EVC: variants seen among roughly 807,000 people sequenced by gnomAD.
The protein encoded by EVC is EvC ciliary complex subunit 1, also known as evC complex member EVC.
EVC carries 116 observed loss-of-function variants against 118.9 expected under a neutral mutation model. The observed-to-expected ratio is 0.98, with a 90% confidence interval of 0.84 to 1.14. The LOEUF (loss-of-function observed/expected upper bound fraction) is 1.14. Among genes scored for constraint, EVC ranks in the 50% most tolerant of loss-of-function variants. The probability of loss-of-function intolerance (pLI) is 0.00; values close to 1 mark genes in which losing one functional copy is unlikely to be tolerated. For synonymous variants in EVC, 619 were observed against 534.7 expected (o/e 1.16, Z -2.18); for missense variants, 1,401 against 1,246.4 (o/e 1.12, Z -1.87).
chr4:5,781,010 G>A (rs996275442), intron 11 of EVC, among the ~76,000 whole-genome samples: 3 of 152,198 alleles, frequency 2.0e-5, no homozygotes, highest in African/African-American at 4.8e-5. Flanking sequence ...TGAGCTTAGA[G>A]TCCAGGGATT....
chr4:5,732,549 A>T (rs550023743), intron 4 of EVC, among the ~76,000 whole-genome samples: 2 of 152,364 alleles, frequency 1.3e-5, no homozygotes, highest in African/African-American at 4.8e-5. Flanking sequence ...GAGGGAAAAA[A>T]GGTCAAAGAC....
At position 5,749,347 on chromosome 4, in the gene EVC, A is replaced by G. The variant is rs1342690703; in HGVS notation, c.1098+1041A>G. 2.0e-5 allele frequency among the ~76,000 whole-genome samples: 3 copies of G among 151,884 alleles called. No individual in the cohort carries two copies. The highest frequency in any genetic ancestry group is 2.9e-5 in the Non-Finnish European group (2 of 67,928). ...TAACGATAGCTGATGAGCGGAAAAA[A>G]AAAAAAAAAAAAAGGTCCCTCCTTA... On this transcript the variant is annotated intron_variant, in intron 8 of 20. Transcript: ENST00000264956. This position sits in a 1 kb window ranked among gnomAD's most constrained non-coding sequence, Gnocchi z 4.4.
At chr4:5,800,514 G>T (rs757442329) in intron 15 of EVC, among the ~76,000 whole-genome samples, 1 of 152,142 alleles carries the variant, frequency 6.6e-6, no homozygotes, top group Non-Finnish European at 1.5e-5. Context: ...GAGAGAAGGG[G>T]TGGCCAAGGA....
Position 5,783,614 on chromosome 4 carries a change from G to A in EVC, c.1626G>A (p.Thr542=), listed in dbSNP as rs1233328481. ...QKFVDALFLQ[T]LPGMTGLPPE... The stretch of plus-strand genomic sequence containing the variant: ...TCGTGGATGCCCTGTTCCTTCAGAC[G>A]CTCCCTGGCATGACTGGCCTCCCCC... Residue 542 remains threonine, a synonymous_variant, in exon 12 of 21, where the codon ACG becomes ACA. Transcript: ENST00000264956. 1.2e-6 allele frequency: 2 copies of A among 1,614,016 alleles called. No individual in the cohort carries two copies. The highest frequency in any genetic ancestry group is 2.2e-5 in the East Asian group (1 of 44,896).
intron 11 of EVC, among the ~76,000 whole-genome samples, chr4:5,770,218 C>G (rs986863000): frequency 6.6e-6 from 1 of 152,124 alleles, no homozygotes; most frequent in Non-Finnish European, 1.5e-5. Context: ...TTTTATTGGG[C>G]TCAGCTACAC....
chr4:5,769,409 C>G (rs755597543), intron 11 of EVC, among the ~76,000 whole-genome samples: 2 of 152,172 alleles, frequency 1.3e-5, no homozygotes, highest in Non-Finnish European at 2.9e-5. Flanking sequence ...TAGGTGGGGA[C>G]ACAGCTAAAC....
In EVC at chr4:5,756,334, C is replaced by G. The variant is rs771085435; in HGVS notation, c.1535C>G (p.Ala512Gly). ...CTGGAGGAAGAGGAGAATGTCAGAG[C>G]CACCGAGGCTGTGGTTGCACTCTGC... ...CDLEEEENVR[A>G]TEAVVALCQE... Residue 512 changes from alanine to glycine, a missense_variant, in exon 11 of 21, where the codon GCC (alanine) becomes GGC (glycine). Coordinates refer to ENST00000264956, the MANE Select transcript of EVC (RefSeq NM_153717.3). The surrounding 1 kb of genome is among the most constrained non-coding windows in gnomAD (Gnocchi z 4.2). 1 of 1,611,918 alleles carries G rather than the reference C, an allele frequency of 6.2e-7. No homozygotes were observed. The highest frequency in any genetic ancestry group is 2.2e-5 in the East Asian group (1 of 44,836).
chr4:5,748,573 C>A (rs1729760071), intron 8 of EVC, among the ~76,000 whole-genome samples: 1 of 105,018 alleles, frequency 9.5e-6, no homozygotes, highest in Non-Finnish European at 2.0e-5. Context: ...TTTATCCATC[C>A]ATCCATCCAC....
chr4:5,794,307 T>TTTATATATTTA (rs1553890282), intron 13 of EVC, among the ~76,000 whole-genome samples: 25 of 119,182 alleles, frequency 2.1e-4, no homozygotes, highest in Non-Finnish European at 3.4e-4. Flanking sequence ...ATTTATATTT[T>TTTATATATTTA]TATATATTTA....
chr4:5,784,606 A>ATTTTTTTTTTTT (rs35237111), intron 12 of EVC, among the ~76,000 whole-genome samples: 1 of 111,218 alleles, frequency 9.0e-6, no homozygotes, highest in Admixed American at 1.1e-4. Flanking sequence ...ATACACATTG[A>ATTTTTTTTTTTT]TTTTTTTTTT....
intron 17 of EVC, among the ~76,000 whole-genome samples, 181 bp downstream of exon 17, chr4:5,805,022 C>G (rs1715643254): frequency 6.6e-6 from 1 of 152,158 alleles, no homozygotes; most frequent in African/African-American, 2.4e-5. Flanking sequence ...CCTGGAGTGG[C>G]ACCTGGCACA....
chr4:5,787,357 G>C (rs1395968662), intron 12 of EVC, among the ~76,000 whole-genome samples: 1 of 152,184 alleles, frequency 6.6e-6, no homozygotes, highest in Non-Finnish European at 1.5e-5. Context: ...CGTGAGATGG[G>C]GATATTCTCC....
chr4:5,718,289 A>T (rs1030697648), intron 1 of EVC, among the ~76,000 whole-genome samples: 2 of 151,804 alleles, frequency 1.3e-5, no homozygotes, highest in African/African-American at 4.8e-5. Context: ...AGTTTTATGT[A>T]TGTTTCTGTT....
Position 5,732,688 on chromosome 4 carries a change from G to A in EVC, c.618-663G>A, listed in dbSNP as rs554037972. ...ATGAGAATGTCTCTGCTAAGGCACC[G>A]AGGAAAGGTGACACGTGATGATAGA... On this transcript the variant is annotated intron_variant, in intron 4 of 20. Coordinates refer to ENST00000264956, the MANE Select transcript of EVC (RefSeq NM_153717.3). Among the ~76,000 whole-genome samples the A allele has an allele frequency of 3.9e-5, 6 of 152,320 alleles. No homozygotes were observed. The South Asian group carries it at 8.3e-4, about 21-fold the overall frequency.
rs1249734374 is a variant in EVC at position 5,810,469 on chromosome 4, C to T, written c.2894+19C>T. The T allele has an allele frequency of 4.4e-6, 7 of 1,578,400 alleles. No homozygotes were observed. Among genetic ancestry groups the T allele is most frequent in the Non-Finnish European group, 6.0e-6 (7 of 1,157,124 alleles). On this transcript the variant is annotated intron_variant, in intron 20 of 20. Transcript: ENST00000264956. ...CACTCAGGTATGACTGGGCCCCGGA[C>T]CTGTTGCCTGTGGCTGGGTTTGGTA... is the stretch of plus-strand genomic sequence containing the variant.
chr4:5,804,805 G>A lies in EVC; in HGVS notation c.2525G>A (p.Gly842Asp), dbSNP rs768398433. ...CCTTCGTCGGGCAGCAGGACGGCAG[G>A]TGGCGCTCATGAGACCTCCCAGGCG... ...SNPSSGSRTA[G>D]GAHETSQAVH... Residue 842 changes from glycine to aspartate, a missense_variant, in exon 17 of 21, where the codon GGT (glycine) becomes GAT (aspartate). Physicochemically the swap from Gly to Asp is moderately conservative, Grantham distance 94. Coordinates refer to ENST00000264956, the MANE Select transcript of EVC (RefSeq NM_153717.3). 2.5e-6 allele frequency: 4 copies of A among 1,614,038 alleles called. No homozygotes were observed. In the African/African-American group the frequency reaches 5.3e-5, roughly 22 times the overall value.
At chr4:5,733,852 C>T (rs1267055323) in intron 5 of EVC, among the ~76,000 whole-genome samples, 1 of 152,162 alleles carries the variant, frequency 6.6e-6, no homozygotes, top group Non-Finnish European at 1.5e-5. Context: ...CTCAGCACAA[C>T]CCAGAGGGGC....
intron 2 of EVC, among the ~76,000 whole-genome samples, chr4:5,723,813 G>A (rs1310741610): frequency 6.6e-6 from 1 of 152,096 alleles, no homozygotes; most frequent in Non-Finnish European, 1.5e-5. Context: ...TATTAAATAA[G>A]AATCCCCATT....
chr4:5,821,959 TC>T, the EVC span: 3 of 850,238 alleles, frequency 3.5e-6, no homozygotes, highest in Non-Finnish European at 5.1e-6. The surrounding 1 kb of genome is among the most constrained non-coding windows in gnomAD (Gnocchi z 4.4). Flanking sequence ...CCACCTTCAT[TC>T]AGGGCTCAGT....
Sources: gnomAD v4.1 joint callset for allele counts (sites outside exome capture counted in the v4.1 genomes callset) on GRCh38, gnomAD v4.1.1 for gene constraint, Gnocchi (gnomAD v3.1) non-coding constraint, MANE v1.5 for transcripts, NCBI Gene and HGNC (gene_info 2026-07-23, HGNC 2026-07-21) for gene names.